BTD: variants seen among roughly 807,000 people sequenced by gnomAD.
The protein encoded by BTD is biocytinase.
A neutral mutation model predicts 17.7 loss-of-function variants in BTD; 13 were observed. The ratio of observed to expected loss-of-function variants is 0.74; its 90% CI spans 0.48 to 1.17. The LOEUF is 1.17. Among genes scored for constraint, BTD ranks in the 50% most tolerant of loss-of-function variants. The probability of loss-of-function intolerance (pLI) is 0.00; values close to 1 mark genes in which losing one functional copy is unlikely to be tolerated. For synonymous variants in BTD, 240 were observed against 245.2 expected, an observed-to-expected ratio of 0.98 and a Z score of 0.20; for missense variants, 674 against 650.4, an observed-to-expected ratio of 1.04 and a Z score of -0.39.
intron 3 of BTD, chr3:15,669,211 A>C (rs1172197150): frequency 6.6e-6 from 1 of 152,196 alleles, no homozygotes; most frequent in Non-Finnish European, 1.5e-5. Flanking sequence ...ACAAGGAATT[A>C]TTTTCCTTTT....
intron 3 of BTD, among the ~76,000 whole-genome samples, chr3:15,709,962 TGTC>T (rs1451668367): frequency 6.6e-6 from 1 of 152,172 alleles, no homozygotes; most frequent in Non-Finnish European, 1.5e-5. Context: ...CGATTCATGT[TGTC>T]ATTGTTTAAA....
In BTD at chr3:15,608,657, C is replaced by T. The variant is rs374258260; in HGVS notation, c.-17+6763C>T. Among the ~76,000 whole-genome samples, 147 of 151,482 alleles carry T rather than the reference C, an allele frequency of 9.7e-4. 1 individual carries two copies. Among genetic ancestry groups the T allele is most frequent in the Non-Finnish European group, 1.1e-3 (74 of 67,870 alleles). ...GATGTGCGCCTGTAATCCCAGCTAC[C>T]GGGGAGGCTGAGGCAGGAGAACCAC... is the stretch of plus-strand genomic sequence containing the variant. On this transcript the variant is annotated intron_variant, in intron 1 of 3. Transcript: ENST00000643237.
At chr3:15,684,464 G>A (rs2067879606) in intron 3 of BTD, 1 of 152,072 alleles carries the variant, frequency 6.6e-6, no homozygotes, top group Non-Finnish European at 1.5e-5. Context: ...GGATATTACT[G>A]GTAATATAAG....
intron 1 of BTD, among the ~76,000 whole-genome samples, chr3:15,624,180 C>T (rs1183736183): frequency 6.6e-6 from 1 of 152,020 alleles, no homozygotes; most frequent in Non-Finnish European, 1.5e-5. Flanking sequence ...ATATGATTTG[C>T]CTACATGTAG....
downstream of BTD, among the ~76,000 whole-genome samples, chr3:15,713,906 C>T (rs1416252459): frequency 2.0e-5 from 3 of 152,144 alleles, no homozygotes; most frequent in Admixed American, 2.0e-4. Context: ...TTGGAAACTA[C>T]TGTATTAAAA....
chr3:15,639,980 T>C (rs2065454257), intron 2 of BTD, among the ~76,000 whole-genome samples: 2 of 152,164 alleles, frequency 1.3e-5, no homozygotes, highest in Admixed American at 6.5e-5. Flanking sequence ...GGCGCATGTC[T>C]GTAATCCCAG....
intron 3 of BTD, chr3:15,679,190 A>G: frequency 4.0e-6 from 4 of 1,011,798 alleles, no homozygotes; most frequent in South Asian, 1.4e-5. Context: ...GGCTGGTCTT[A>G]AACTCCTGGC....
rs2064361069 is a variant in BTD, at chr3:15,603,866, T to A, written c.-17+1972T>A. ...CTCCAAAATGATCTTTGGATCATTT[T>A]GACTTCGTATCTCACAGCCAGATCA... On this transcript the variant is annotated intron_variant, in intron 1 of 3. Transcript: ENST00000643237. Among the ~76,000 whole-genome samples, 3 of 152,196 alleles carry A rather than the reference T, an allele frequency of 2.0e-5. 1 individual carries two copies. In the South Asian group the frequency reaches 6.2e-4, roughly 31 times the overall value.
At chr3:15,608,790 A>G (rs1418217306) in intron 1 of BTD, among the ~76,000 whole-genome samples, 7 of 151,812 alleles carry the variant, frequency 4.6e-5, no homozygotes, top group Non-Finnish European at 7.4e-5. Flanking sequence ...AAGAAATCAT[A>G]GTATTTCTCC....
exon 4 of BTD, among the ~76,000 whole-genome samples, chr3:15,711,734 T>G (rs1274031349): frequency 6.6e-6 from 1 of 152,030 alleles, no homozygotes; most frequent in Non-Finnish European, 1.5e-5. Flanking sequence ...TCTCCTAGGC[T>G]AGTGTGCAGT....
intron 3 of BTD, among the ~76,000 whole-genome samples, chr3:15,690,701 A>T (rs1174596978): frequency 3.3e-5 from 5 of 152,118 alleles, no homozygotes; most frequent in Admixed American, 3.3e-4. Context: ...AGTAGCAGGG[A>T]CCAGAGGTAC....
At position 15,635,689 on chromosome 3, in the gene BTD, G is replaced by T. The variant is rs373249212; in HGVS notation, c.249+1G>T. Reference sequence around the variant, plus strand: ...GCAAGTGATGACTGCAGCCCAAAAGGCAAGAATGCTCCTCGGAACCTGAGT... The same window carrying T: ...GCAAGTGATGACTGCAGCCCAAAAGTCAAGAATGCTCCTCGGAACCTGAGT... On this transcript the variant is annotated splice_donor_variant, in intron 2 of 3. Coordinates refer to ENST00000643237, the MANE Select transcript of BTD (RefSeq NM_001370658.1). LOFTEE classifies it high-confidence loss of function. This position sits in a 1 kb window ranked among gnomAD's most constrained non-coding sequence, Gnocchi z 4.1. The T allele has an allele frequency of 9.3e-6, 15 of 1,613,982 alleles. No individual in the cohort carries two copies. The highest frequency in any genetic ancestry group is 1.3e-5 in the Non-Finnish European group (15 of 1,179,992).
At chr3:15,632,588 C>T (rs1196809616) in intron 1 of BTD, 1 of 152,192 alleles carries the variant, frequency 6.6e-6, no homozygotes, top group Admixed American at 6.5e-5. Context: ...CTTTATGGTC[C>T]AGGTCCTGAC....
intron 3 of BTD, chr3:15,676,280 C>T: frequency 3.6e-6 from 1 of 281,542 alleles, no homozygotes; most frequent in Non-Finnish European, 6.6e-6. Flanking sequence ...TGTTTAAAAA[C>T]ATTTTACCAT....
At chr3:15,710,034 A>T (rs1178479650) in intron 3 of BTD, among the ~76,000 whole-genome samples, 1 of 61,478 alleles carries the variant, frequency 1.6e-5, no homozygotes, top group Non-Finnish European at 3.0e-5. Flanking sequence ...ACTTGCTTAT[A>T]GGTTTTTTTT....
At chr3:15,640,229 T>C (rs1335330728) in intron 2 of BTD, among the ~76,000 whole-genome samples, 1 of 152,244 alleles carries the variant, frequency 6.6e-6, no homozygotes, top group Non-Finnish European at 1.5e-5. Context: ...AGTGTATAAT[T>C]ATGCAATAAG....
At chr3:15,684,808 A>T (rs1288724309) in intron 3 of BTD, 1 of 166,086 alleles carries the variant, frequency 6.0e-6, no homozygotes, top group Non-Finnish European at 1.3e-5. Context: ...AAAAATGCAA[A>T]ATATTTGTGG....
chr3:15,681,523 G>A lies in BTD; in HGVS notation c.400-28537G>A, dbSNP rs866724688. Among the ~76,000 whole-genome samples, 61 of 152,226 alleles carry A rather than the reference G, an allele frequency of 4.0e-4. No homozygotes were observed. The Middle Eastern group carries it at 0.027, about 68-fold the overall frequency. Reference sequence around the variant, plus strand: ...TTATTTTATTTCATTAGTCATTTGGGATCTACTTTAGGAATAAGATTCTTA... The same window carrying A: ...TTATTTTATTTCATTAGTCATTTGGAATCTACTTTAGGAATAAGATTCTTA... On this transcript the variant is annotated intron_variant, in intron 3 of 3. Transcript: ENST00000672141.
In BTD at chr3:15,650,910, C is replaced by CA. The variant is rs2065791163; in HGVS notation, c.*5423dup. ...TCAGCCTTCCGAGTAGCTGGGACTA[C>CA]AGGCACGTGCCACCACGCCCAGCTA... On this transcript the variant is annotated 3_prime_UTR_variant, in exon 4 of 4. Coordinates refer to ENST00000643237, the MANE Select transcript of BTD (RefSeq NM_001370658.1). Among the ~76,000 whole-genome samples, 1 of 152,066 alleles carries CA rather than the reference C, an allele frequency of 6.6e-6. No homozygotes were observed. The highest frequency in any genetic ancestry group is 1.5e-5 in the Non-Finnish European group (1 of 67,974).
Sources: allele counts gnomAD v4.1 joint callset (sites outside exome capture counted in the v4.1 genomes callset), GRCh38; gene constraint gnomAD v4.1.1; non-coding constraint Gnocchi (gnomAD v3.1); transcripts MANE v1.5; gene names NCBI Gene and HGNC (gene_info 2026-07-23, HGNC 2026-07-21).